The following CCDC7 variants were observed in gnomAD, a reference collection of about 807,000 sequenced individuals.
CCDC7 encodes coiled-coil domain-containing protein 7.
A neutral mutation model predicts 196.9 loss-of-function variants in CCDC7; 183 were observed. The observed-to-expected ratio is 0.93, with a 90% CI of 0.82 to 1.05. CCDC7 has a LOEUF of 1.05. CCDC7 is among the 50% of genes least tolerant of loss of function. CCDC7 has a pLI of 0.00. For missense variants in CCDC7, 1,540 were observed against 1,482.2 expected (o/e 1.04, Z -0.64); for synonymous variants, 525 against 484.6 (o/e 1.08, Z -1.10).
At chr10:32,846,304 A>T (rs2093289983) in intron 36 of CCDC7, 72 bp from the exon 38 acceptor site, 4 of 880,392 alleles carry the variant, frequency 4.5e-6, no homozygotes, top group Admixed American at 4.8e-5. Context: ...ATAATTAGTT[A>T]AACACACACG....
intron 13 of CCDC7, among the ~76,000 whole-genome samples, chr10:32,549,822 AG>A (rs1490723131): frequency 6.6e-6 from 1 of 152,074 alleles, no homozygotes; most frequent in Non-Finnish European, 1.5e-5. Flanking sequence ...ATGGCCTTAT[AG>A]TATAGTTTGA....
At chr10:32,631,258 C>G (rs2064817440) in intron 18 of CCDC7, among the ~76,000 whole-genome samples, 2 of 152,116 alleles carry the variant, frequency 1.3e-5, no homozygotes. Flanking sequence ...ATTTACTTCT[C>G]TATTTTTTTA....
chr10:32,585,789 G>A (rs537496333), intron 18 of CCDC7, among the ~76,000 whole-genome samples: 2 of 152,260 alleles, frequency 1.3e-5, no homozygotes, highest in East Asian at 3.9e-4. Context: ...GGGCATTTGG[G>A]TTGGTTCCAA....
At chr10:32,737,232 T>C (rs917484623) in intron 28 of CCDC7, among the ~76,000 whole-genome samples, 6 of 152,172 alleles carry the variant, frequency 3.9e-5, no homozygotes, top group Non-Finnish European at 8.8e-5. Flanking sequence ...ATATAATTCT[T>C]TTTATACATT....
chr10:32,820,107 C>A (rs2089849096), intron 31 of CCDC7, among the ~76,000 whole-genome samples: 1 of 152,208 alleles, frequency 6.6e-6, no homozygotes, highest in Non-Finnish European at 1.5e-5. Context: ...TGAGAGGCAA[C>A]TTCAGCAAAG....
At chr10:32,772,642 C>G (rs145357563) in intron 28 of CCDC7, among the ~76,000 whole-genome samples, 5 of 152,306 alleles carry the variant, frequency 3.3e-5, no homozygotes, top group Admixed American at 6.5e-5. Flanking sequence ...TCTGCAGGGT[C>G]CCCTGTTAAG....
intron 41 of CCDC7, among the ~76,000 whole-genome samples, chr10:32,857,572 A>G (rs183597234): frequency 2.0e-5 from 3 of 152,332 alleles, no homozygotes; most frequent in East Asian, 1.9e-4. Context: ...ACTTAAAAAT[A>G]TATTGACAAA....
intron 18 of CCDC7, among the ~76,000 whole-genome samples, chr10:32,632,447 T>C (rs1043517253): frequency 1.3e-5 from 2 of 151,478 alleles, no homozygotes; most frequent in Non-Finnish European, 2.9e-5. Flanking sequence ...TCTTTTCTTA[T>C]TCTTTCTTTT....
Position 32,567,820 on chromosome 10 carries a change from GAAAC to G in CCDC7, c.1351_1354del (p.Thr451GlufsTer30), listed in dbSNP as rs2057045986. The G allele has an allele frequency of 6.2e-7, 1 of 1,613,472 alleles. No individual in the cohort carries two copies. The highest frequency in any genetic ancestry group is 1.3e-5 in the African/African-American group (1 of 74,976). On this transcript the variant is annotated frameshift_variant, in exon 15 of 42. Coordinates refer to ENST00000639629, the Ensembl canonical transcript of CCDC7. LOFTEE classifies it high-confidence loss of function. ...TTCAAAAAATATACCATTGGAGAAA[GAAAC>G]AAGAAAATCACTGGTTTCAGATTCA...
intron 25 of CCDC7, among the ~76,000 whole-genome samples, chr10:32,713,563 C>G (rs943867847): frequency 6.6e-6 from 1 of 152,242 alleles, no homozygotes; most frequent in Admixed American, 6.5e-5. Flanking sequence ...ACTCAAGTCT[C>G]AAGATTCACT....
chr10:32,635,813 T>G (rs565895410), intron 20 of CCDC7, among the ~76,000 whole-genome samples: 1 of 152,228 alleles, frequency 6.6e-6, no homozygotes. Flanking sequence ...TAGTTGTATA[T>G]TTTTCAAATT....
intron 16 of CCDC7, among the ~76,000 whole-genome samples, chr10:32,573,886 T>G (rs552196709): frequency 2.6e-5 from 4 of 152,268 alleles, no homozygotes; most frequent in South Asian, 4.1e-4. Flanking sequence ...GCTTCAAATA[T>G]ATGGTCATTG....
intron 18 of CCDC7, among the ~76,000 whole-genome samples, chr10:32,602,034 T>C (rs898336722): frequency 1.3e-5 from 2 of 152,056 alleles, no homozygotes; most frequent in African/African-American, 4.8e-5. Flanking sequence ...GGAAGCTTTG[T>C]TTTTTTGCTC....
intron 2 of CCDC7, 101 bp from the exon 4 acceptor site, chr10:32,456,150 C>A: frequency 4.4e-6 from 5 of 1,138,638 alleles, no homozygotes; most frequent in Non-Finnish European, 5.8e-6. Flanking sequence ...ACATAAATTA[C>A]ACAAAATTAA....
chr10:32,473,782 A>G (rs1241828340), intron 7 of CCDC7, among the ~76,000 whole-genome samples, 185 bp from the exon 9 acceptor site: 3 of 152,212 alleles, frequency 2.0e-5, no homozygotes, highest in Non-Finnish European at 2.9e-5. Flanking sequence ...GCTGTTACAC[A>G]CATTCTTTTA....
chr10:32,842,804 G>C (rs901314683), intron 33 of CCDC7, among the ~76,000 whole-genome samples: 3 of 152,068 alleles, frequency 2.0e-5, no homozygotes, highest in Non-Finnish European at 4.4e-5. Context: ...AACCTGAATG[G>C]AATTGGAGAC....
intron 41 of CCDC7, among the ~76,000 whole-genome samples, chr10:32,856,699 G>A (rs1378277094): frequency 6.6e-6 from 1 of 152,150 alleles, no homozygotes; most frequent in Admixed American, 6.5e-5. Flanking sequence ...AATTGCCACT[G>A]TGTCCTATTG....
chr10:32,456,332 A>C (rs1317813460), exon 3 of CCDC7: 1 of 1,570,802 alleles, frequency 6.4e-7, no homozygotes, highest in Non-Finnish European at 8.7e-7. Flanking sequence ...AGAAGAACAA[A>C]ATGTATGTAT....
At chr10:32,623,121 A>C (rs2063588640) in intron 18 of CCDC7, among the ~76,000 whole-genome samples, 1 of 152,116 alleles carries the variant, frequency 6.6e-6, no homozygotes, top group African/African-American at 2.4e-5. Flanking sequence ...TTCCTGCCAT[A>C]TAGATTGCAA....
Sources: allele counts gnomAD v4.1 joint callset (sites outside exome capture counted in the v4.1 genomes callset), GRCh38; gene constraint gnomAD v4.1.1; transcripts MANE v1.5; gene names NCBI Gene and HGNC (gene_info 2026-07-23, HGNC 2026-07-21).